Variants in AGPS observed in about 807,000 individuals in gnomAD.
AGPS encodes alkyldihydroxyacetonephosphate synthase, peroxisomal.
AGPS carries 26 observed loss-of-function variants against 90.7 expected under a neutral mutation model. That is an observed-to-expected ratio of 0.29 (90% CI 0.21 to 0.40). The LOEUF is 0.40. AGPS is among the 10% of genes least tolerant of loss of function. AGPS has a pLI of 1.00. For synonymous variants in AGPS, 294 were observed against 285.3 expected (o/e 1.03, Z -0.31); for missense variants, 540 against 816.1 (o/e 0.66, Z 4.12).
chr2:177,496,470 C>A (rs1688415918), intron 12 of AGPS, among the ~76,000 whole-genome samples: 2 of 152,088 alleles, frequency 1.3e-5, no homozygotes, highest in African/African-American at 4.8e-5. Flanking sequence ...TAGGAAGCAT[C>A]TCTGATAGTT....
At chr2:177,436,905 C>A in intron 4 of AGPS, 21 bp downstream of exon 4, 1 of 1,611,236 alleles carries the variant, frequency 6.2e-7, no homozygotes, top group Non-Finnish European at 8.5e-7. Context: ...TTATATTAGC[C>A]CTATTTATTT....
intron 12 of AGPS, among the ~76,000 whole-genome samples, chr2:177,496,109 A>G (rs1688406344): frequency 6.6e-6 from 1 of 152,180 alleles, no homozygotes; most frequent in Non-Finnish European, 1.5e-5. Flanking sequence ...TCACCTTAGT[A>G]TCACAGATGT....
At chr2:177,494,426 T>G (rs989153662) in intron 12 of AGPS, among the ~76,000 whole-genome samples, 1 of 152,228 alleles carries the variant, frequency 6.6e-6, no homozygotes, top group African/African-American at 2.4e-5. Context: ...AAAAACCACT[T>G]GTGTGTTTTG....
chr2:177,536,407 G>GT (rs2079184332), intron 19 of AGPS, among the ~76,000 whole-genome samples: 1 of 145,618 alleles, frequency 6.9e-6, no homozygotes, highest in Non-Finnish European at 1.5e-5. Context: ...CAGAGTAGTT[G>GT]TTTAAAAAAA....
intron 10 of AGPS, among the ~76,000 whole-genome samples, chr2:177,478,608 A>G (rs148261038): frequency 2.5e-3 from 379 of 152,114 alleles, no homozygotes; most frequent in Non-Finnish European, 4.5e-3. Context: ...TTTGCCAGAG[A>G]CCATCTGTTG....
Position 177,505,540 on chromosome 2 carries a change from G to A in AGPS, c.1510G>A (p.Gly504Ser). Residue 504 changes from glycine to serine, a missense_variant, in exon 15 of 20, where the codon GGT (glycine) becomes AGT (serine). This residue lies in a region of AGPS where 405 missense variants were observed against 692.1 expected (regional missense o/e 0.59). Coordinates refer to ENST00000264167, the MANE Select transcript of AGPS (RefSeq NM_003659.4). ...AGCTGGAGAAGATAATGGACAGAGA[G>A]GTTATTTGCTGACCTATGTTATTGC... ...LAAGEDNGQR[G>S]YLLTYVIAYI... is the part of the protein sequence containing the mutation. 1 of 1,612,422 alleles carries A rather than the reference G, an allele frequency of 6.2e-7. No individual in the cohort carries two copies. Among genetic ancestry groups the A allele is most frequent in the Non-Finnish European group, 8.5e-7 (1 of 1,178,978 alleles).
At position 177,468,474 on chromosome 2, in the gene AGPS, C is replaced by T; in HGVS notation, c.1055C>T (p.Pro352Leu). 1 of 1,612,522 alleles carries T rather than the reference C, an allele frequency of 6.2e-7. No individual in the cohort carries two copies. Among genetic ancestry groups the T allele is most frequent in the Non-Finnish European group, 8.5e-7 (1 of 1,179,174 alleles). ...RGIIEKSCQG[P>L]RMSTGPDIHH... is the part of the protein sequence containing the mutation. Reference sequence around the variant, plus strand: ...ATAATAGAAAAAAGCTGTCAAGGACCTCGTATGTCAACAGGCCCTGATATC... The same window carrying T: ...ATAATAGAAAAAAGCTGTCAAGGACTTCGTATGTCAACAGGCCCTGATATC... Residue 352 changes from proline to leucine, a missense_variant, in exon 10 of 20, where the codon CCT (proline) becomes CTT (leucine). By Grantham distance (98) the Pro-to-Leu change is moderately conservative. Around this residue, in one of 2 missense-constraint regions of AGPS, gnomAD observed 405 missense variants for 692.1 expected, o/e 0.59. Transcript: ENST00000264167.
chr2:177,424,822 C>G (rs1021782928), intron 2 of AGPS, among the ~76,000 whole-genome samples: 3 of 152,192 alleles, frequency 2.0e-5, no homozygotes, highest in Non-Finnish European at 4.4e-5. Flanking sequence ...GTGCGTTTCT[C>G]TAATGATGAG....
chr2:177,518,238 A>C (rs1411614707), intron 17 of AGPS, among the ~76,000 whole-genome samples: 3 of 152,096 alleles, frequency 2.0e-5, no homozygotes, highest in Non-Finnish European at 4.4e-5. Flanking sequence ...GTTTGAGACC[A>C]GCCTGGCCAA....
At position 177,406,544 on chromosome 2, in the gene AGPS, A is replaced by G. The variant is rs16865214; in HGVS notation, c.260+13495A>G. 4.0e-3 allele frequency among the ~76,000 whole-genome samples: 610 copies of G among 152,296 alleles called. 5 individuals are homozygous for G. The highest frequency in any genetic ancestry group is 0.032 in the East Asian group (166 of 5,178). On this transcript the variant is annotated intron_variant, in intron 1 of 19. Transcript: ENST00000264167. ...ATAAGAGGACATGGTGTGTATAAGG[A>G]ATTGTCATAACTTAATGTGTCTGGG...
At chr2:177,466,170 A>G (rs1002021269) in intron 9 of AGPS, among the ~76,000 whole-genome samples, 10 of 151,876 alleles carry the variant, frequency 6.6e-5, no homozygotes, top group Non-Finnish European at 1.5e-4. Flanking sequence ...GAGAGAGGAG[A>G]CACACAGTGG....
rs1686427549 is a variant in AGPS, at chr2:177,436,885, G to A, written c.562+1G>A. Reference sequence around the variant, plus strand: ...GATGATCGAGTATTTAGAGCTCATGGTAAGTTACTTTATATTAGCCCTATT... The same window carrying A: ...GATGATCGAGTATTTAGAGCTCATGATAAGTTACTTTATATTAGCCCTATT... On this transcript the variant is annotated splice_donor_variant, in intron 4 of 19. Transcript: ENST00000264167. LOFTEE classifies it high-confidence loss of function. 6.2e-7 allele frequency: 1 copy of A among 1,612,572 alleles called. No homozygotes were observed. The highest frequency in any genetic ancestry group is 8.5e-7 in the Non-Finnish European group (1 of 1,178,944).
intron 10 of AGPS, among the ~76,000 whole-genome samples, chr2:177,474,465 C>T (rs1687718891): frequency 6.6e-6 from 1 of 152,202 alleles, no homozygotes; most frequent in Non-Finnish European, 1.5e-5. Flanking sequence ...CAGGCTTCTT[C>T]CCCCTGCACA....
rs2079238817 is a variant in AGPS at position 177,541,853 on chromosome 2, C to G, written c.*3658C>G. On this transcript the variant is annotated 3_prime_UTR_variant, in exon 20 of 20. Transcript: ENST00000264167. Reference sequence around the variant, plus strand: ...CAACTTACATATTGATGCTTAAATCCAGAAAGTGTAAAAGGTTTTCTTAAA... The same window carrying G: ...CAACTTACATATTGATGCTTAAATCGAGAAAGTGTAAAAGGTTTTCTTAAA... The G allele has an allele frequency of 6.6e-6, 1 of 152,060 alleles. No individual in the cohort carries two copies. The highest frequency in any genetic ancestry group is 1.5e-5 in the Non-Finnish European group (1 of 67,990). The allele number at this position is 152,060 out of a possible 1,614,324, so 9.4% of individuals were successfully genotyped here.
chr2:177,498,308 C>T (rs1688466767), intron 13 of AGPS, among the ~76,000 whole-genome samples: 1 of 151,262 alleles, frequency 6.6e-6, no homozygotes, highest in South Asian at 2.1e-4. Flanking sequence ...TGTGTGAATT[C>T]GTTGGATATG....
intron 10 of AGPS, among the ~76,000 whole-genome samples, chr2:177,480,108 A>T (rs1239819156): frequency 6.6e-6 from 1 of 152,122 alleles, no homozygotes; most frequent in East Asian, 1.9e-4. Flanking sequence ...TGAACCCAGG[A>T]GGCACAGGTT....
rs2079213073 is a variant in AGPS, at chr2:177,539,513, T to A, written c.*1318T>A. The stretch of plus-strand genomic sequence containing the variant: ...TAATGCAATACCTAACTTTTGATAA[T>A]TTTTTAAAACTAATATTTGATCAGA... On this transcript the variant is annotated 3_prime_UTR_variant, in exon 20 of 20. Transcript: ENST00000264167. 2.6e-5 allele frequency: 4 copies of A among 152,008 alleles called. No individual in the cohort carries two copies. The South Asian group carries it at 8.3e-4, about 31-fold the overall frequency. The allele number at this position is 152,008 out of a possible 1,614,324, so 9.4% of individuals were successfully genotyped here.
chr2:177,519,425 G>T (rs1315200219), intron 17 of AGPS, among the ~76,000 whole-genome samples: 3 of 152,074 alleles, frequency 2.0e-5, no homozygotes, highest in Admixed American at 2.0e-4. Flanking sequence ...AATTGATGGT[G>T]TCTGTCTTTA....
At chr2:177,404,340 T>G (rs1685409023) in intron 1 of AGPS, among the ~76,000 whole-genome samples, 1 of 152,172 alleles carries the variant, frequency 6.6e-6, no homozygotes, top group Non-Finnish European at 1.5e-5. Flanking sequence ...AAACCACTTA[T>G]TGCTATCAGT....
Sources: allele counts gnomAD v4.1 joint callset (sites outside exome capture counted in the v4.1 genomes callset), GRCh38; gene constraint gnomAD v4.1.1; regional missense constraint gnomAD v4.1.1; transcripts MANE v1.5; gene names NCBI Gene and HGNC (gene_info 2026-07-23, HGNC 2026-07-21).